The following IRS1 variants were observed in gnomAD, a reference collection of about 807,000 sequenced individuals.
IRS1 encodes insulin receptor substrate 1.
A neutral mutation model predicts 65.6 loss-of-function variants in IRS1; 34 were observed. The ratio of observed to expected loss-of-function variants is 0.52; its 90% confidence interval spans 0.39 to 0.69. The LOEUF (loss-of-function observed/expected upper bound fraction) is 0.69, where lower values mean the gene tolerates loss of function less well. Among genes scored for constraint, IRS1 ranks in the 30% least tolerant of loss-of-function variants. The probability of loss-of-function intolerance (pLI) is 0.00; values close to 1 mark genes in which losing one functional copy is unlikely to be tolerated. For synonymous variants in IRS1, 699 were observed against 683.5 expected (o/e 1.02, Z -0.35); for missense variants, 1,641 against 1,720.2 (o/e 0.95, Z 0.81).
rs1801112 is a variant in IRS1, at chr2:226,796,864, G to A, written c.1875C>T (p.Gly625=). 1 of 1,539,688 alleles carries A rather than the reference G, an allele frequency of 6.5e-7. No homozygotes were observed. Reference sequence around the variant, plus strand: ...GCATATAGTCTCCACTGCCCTTTCGGCCACTGGGCACTGGGGCCACCCCTG... The same window carrying A: ...GCATATAGTCTCCACTGCCCTTTCGACCACTGGGCACTGGGGCCACCCCTG... ...MSPGVAPVPS[G]RKGSGDYMPM... Residue 625 remains glycine, a synonymous_variant, in exon 1 of 2, where the codon GGC becomes GGT. Coordinates refer to ENST00000305123, the MANE Select transcript of IRS1 (RefSeq NM_005544.3).
intron 1 of IRS1, among the ~76,000 whole-genome samples, chr2:226,778,710 C>G (rs775116223): frequency 1.3e-5 from 2 of 152,210 alleles, no homozygotes; most frequent in Admixed American, 1.3e-4. Context: ...ACACCCAATG[C>G]CCAGTACACA....
At chr2:226,772,653 T>C (rs1439214733) in intron 1 of IRS1, among the ~76,000 whole-genome samples, 1 of 151,132 alleles carries the variant, frequency 6.6e-6, no homozygotes, top group South Asian at 2.1e-4. Flanking sequence ...TGGTAAATTC[T>C]TTCTCTTCCC....
At chr2:226,774,249 G>A (rs1220524357) in intron 1 of IRS1, among the ~76,000 whole-genome samples, 1 of 152,156 alleles carries the variant, frequency 6.6e-6, no homozygotes, top group African/African-American at 2.4e-5. Context: ...AAGACTACTG[G>A]TAGATAGGTT....
intron 1 of IRS1, among the ~76,000 whole-genome samples, chr2:226,744,634 T>C (rs899062630): frequency 2.6e-5 from 4 of 151,980 alleles, no homozygotes; most frequent in Non-Finnish European, 4.4e-5. Context: ...CTCACAGGAG[T>C]GTGAACCCTA....
chr2:226,795,557 C>A lies in IRS1; in HGVS notation c.3182G>T (p.Gly1061Val), dbSNP rs747464908. 13 of 1,613,134 alleles carry A rather than the reference C, an allele frequency of 8.1e-6. No individual in the cohort carries two copies. Among genetic ancestry groups the A allele is most frequent in the Non-Finnish European group, 1.1e-5 (13 of 1,179,988 alleles). ...CATGCCCCCAGGTCCTTGTGGGCCC[C>A]CCAGCAGGGACGAGTGGGCAGCCAG... ...AELAAHSSLL[G>V]GPQGPGGMSA... Residue 1061 changes from glycine to valine, a missense_variant, in exon 1 of 2, where the codon GGG becomes GTG. Transcript: ENST00000305123.
intron 1 of IRS1, among the ~76,000 whole-genome samples, chr2:226,742,713 G>GAAAAAAA (rs537549029): frequency 8.0e-6 from 1 of 124,598 alleles, no homozygotes; most frequent in African/African-American, 2.8e-5. Flanking sequence ...CACGCATTAT[G>GAAAAAAA]AAAAAAAAAA....
chr2:226,745,585 G>A lies in IRS1; in HGVS notation c.*22-9335C>T, dbSNP rs78867024. Among the ~76,000 whole-genome samples the A allele has an allele frequency of 2.8e-3, 423 of 152,246 alleles. 5 individuals are homozygous for A. Among genetic ancestry groups the A allele is most frequent in the Non-Finnish European group, 4.8e-3 (329 of 68,012 alleles). On this transcript the variant is annotated intron_variant, in intron 1 of 1. Coordinates refer to ENST00000305123, the MANE Select transcript of IRS1 (RefSeq NM_005544.3). ...ACCCTCCAAAATCCCAAATGTTTTC[G>A]TCTGTAACACAGGAGAGCATTGCCC...
intron 1 of IRS1, among the ~76,000 whole-genome samples, chr2:226,757,810 A>C (rs1559150124): frequency 6.6e-6 from 1 of 152,240 alleles, no homozygotes; most frequent in African/African-American, 2.4e-5. Context: ...TGCTATTCAC[A>C]AAGCATTCTG....
chr2:226,738,408 G>A (rs1171446194), intron 1 of IRS1, among the ~76,000 whole-genome samples: 1 of 152,142 alleles, frequency 6.6e-6, no homozygotes, highest in East Asian at 1.9e-4. Flanking sequence ...TTTACCAAAT[G>A]ATGACTCTAG....
intron 1 of IRS1, among the ~76,000 whole-genome samples, chr2:226,782,560 T>G (rs2106177375): frequency 6.6e-6 from 1 of 152,290 alleles, no homozygotes; most frequent in African/African-American, 2.4e-5. Context: ...GCACCAGTTC[T>G]CATGTGGCTC....
At chr2:226,769,592 A>T (rs59750993) in intron 1 of IRS1, among the ~76,000 whole-genome samples, 11,712 of 152,240 alleles carry the variant, frequency 0.077, 758 homozygotes, top group African/African-American at 0.18. Flanking sequence ...GAGGCTTAGA[A>T]ACTTAACTTT....
At chr2:226,757,241 C>G (rs1343715082) in intron 1 of IRS1, among the ~76,000 whole-genome samples, 1 of 152,182 alleles carries the variant, frequency 6.6e-6, no homozygotes, top group Non-Finnish European at 1.5e-5. Flanking sequence ...GGTTTGAACT[C>G]TCCTGGAGCC....
intron 1 of IRS1, among the ~76,000 whole-genome samples, chr2:226,753,378 A>G (rs16822607): frequency 0.089 from 13,534 of 152,250 alleles, 1,137 homozygotes; most frequent in African/African-American, 0.22. Context: ...CTAAAGTTTT[A>G]TAACCTGCAT....
In IRS1 at chr2:226,798,765, G is replaced by C. The variant is rs765273304; in HGVS notation, c.-27C>G. On this transcript the variant is annotated 5_prime_UTR_variant, in exon 1 of 2. Coordinates refer to ENST00000305123, the MANE Select transcript of IRS1 (RefSeq NM_005544.3). This position sits in a 1 kb window ranked among gnomAD's most constrained non-coding sequence, Gnocchi z 9.4. ...CTGCCACCGCCACCACCAACGCTGA[G>C]CAGAGGGAGGCTCCGAAAAACAACC... 9.4e-6 allele frequency: 15 copies of C among 1,599,026 alleles called. No homozygotes were observed. Among genetic ancestry groups the C allele is most frequent in the Non-Finnish European group, 1.2e-5 (14 of 1,173,454 alleles).
chr2:226,747,483 C>T (rs1938570543), intron 1 of IRS1, among the ~76,000 whole-genome samples: 1 of 152,108 alleles, frequency 6.6e-6, no homozygotes. Flanking sequence ...AGAGGGCACA[C>T]CAAACCAGGG....
intron 1 of IRS1, among the ~76,000 whole-genome samples, chr2:226,777,852 C>G (rs1939303827): frequency 6.6e-6 from 1 of 152,176 alleles, no homozygotes; most frequent in African/African-American, 2.4e-5. Flanking sequence ...AATTGCCCAG[C>G]CTCGGGTTTG....
At position 226,734,279 on chromosome 2, in the gene IRS1, G is replaced by A. The variant is rs1399459213; in HGVS notation, c.*1993C>T. ...GTGCTCTCTACTAATAGGAAATGATGTAATTCTGCAAGTTCCTTGAAAACA... is the reference window on the plus strand; with the variant it reads ...GTGCTCTCTACTAATAGGAAATGATATAATTCTGCAAGTTCCTTGAAAACA... On this transcript the variant is annotated 3_prime_UTR_variant, in exon 2 of 2. Transcript: ENST00000305123. 3 of 152,184 alleles carry A rather than the reference G, an allele frequency of 2.0e-5. No individual in the cohort carries two copies. The highest frequency in any genetic ancestry group is 4.4e-5 in the Non-Finnish European group (3 of 68,040). 9.4% of individuals were successfully genotyped at this position (152,184 alleles called of 1,614,324 possible). A position where few individuals can be genotyped will look rare whatever the true frequency, so the allele number is the denominator to read the frequency against.
intron 1 of IRS1, among the ~76,000 whole-genome samples, chr2:226,784,237 T>C (rs1939443937): frequency 6.6e-6 from 1 of 152,198 alleles, no homozygotes; most frequent in African/African-American, 2.4e-5. Context: ...TAGCTTCATA[T>C]ATAAAACTCT....
intron 1 of IRS1, among the ~76,000 whole-genome samples, chr2:226,784,985 G>A (rs1465518928): frequency 6.6e-6 from 1 of 152,170 alleles, no homozygotes; most frequent in Non-Finnish European, 1.5e-5. Flanking sequence ...GAAAATAAGT[G>A]ACAGGACATC....
Sources: gnomAD v4.1 joint callset for allele counts (sites outside exome capture counted in the v4.1 genomes callset) on GRCh38, gnomAD v4.1.1 for gene constraint, Gnocchi (gnomAD v3.1) non-coding constraint, MANE v1.5 for transcripts, NCBI Gene and HGNC (gene_info 2026-07-23, HGNC 2026-07-21) for gene names.